STARD8: variants seen among roughly 807,000 people sequenced by gnomAD.
STARD8 encodes StAR related lipid transfer domain containing 8, also known as stAR-related lipid transfer protein 8.
A neutral mutation model predicts 69.4 loss-of-function variants in STARD8; 25 were observed. The observed-to-expected ratio is 0.36, with a 90% CI of 0.26 to 0.50. STARD8 has a LOEUF of 0.50. Among genes scored for constraint, STARD8 ranks in the 20% least tolerant of loss-of-function variants. The probability of loss-of-function intolerance (pLI) is 0.96; values close to 1 mark genes in which losing one functional copy is unlikely to be tolerated. For synonymous variants in STARD8, 389 were observed against 374.6 expected, an observed-to-expected ratio of 1.04 and a Z score of -0.45; for missense variants, 921 against 932.5, an observed-to-expected ratio of 0.99 and a Z score of 0.16.
chrX:68,717,767 T>C lies in STARD8; in HGVS notation c.853T>C (p.Ser285Pro). The C allele has an allele frequency of 8.3e-7, 1 of 1,211,957 alleles. No individual in the cohort carries two copies. ...GGCCTGGGAGGCCTGGCCTGTGGCC[T>C]CGTTCCGGCATCCTCAGTGGACACA... Reference protein sequence around the residue: ...RKAWEAWPVASFRHPQWTHRG... With the variant: ...RKAWEAWPVAPFRHPQWTHRG... The change falls in exon 6 of 15, where the codon TCG (serine) becomes CCG (proline). Residue 285 changes from serine to proline, a missense_variant. Physicochemically the swap from Ser to Pro is moderately conservative, Grantham distance 74. Transcript: ENST00000374599.
At chrX:68,705,255 T>C (rs1373042907) in intron 2 of STARD8, among the ~76,000 whole-genome samples, 1 of 111,972 alleles carries the variant, frequency 8.9e-6, no homozygotes, top group East Asian at 2.8e-4. Context: ...ATGTTAGCTG[T>C]CTACTTTGGT....
chrX:68,693,622 A>G (rs2079894021), intron 2 of STARD8: 4 of 754,244 alleles, frequency 5.3e-6, no homozygotes, highest in Non-Finnish European at 6.3e-6. Context: ...CTACTCGCCG[A>G]CGCTCCCTCC....
In STARD8 at chrX:68,721,532, A is replaced by C; in HGVS notation, c.2249-4A>C. ...AAGGCTCTTCTTCCATTGCTTCCTC[A>C]CAGTCCTCCCCAAGGATCAGTGGTT... On this transcript the variant is annotated splice_polypyrimidine_tract_variant and splice_region_variant and intron_variant, in intron 9 of 14. Coordinates refer to ENST00000374599, the MANE Select transcript of STARD8 (RefSeq NM_001142503.3). 2.5e-6 allele frequency: 3 copies of C among 1,210,144 alleles called. No homozygotes were observed. The highest frequency in any genetic ancestry group is 3.4e-6 in the Non-Finnish European group (3 of 894,698).
At chrX:68,713,809 C>A (rs181901249) in intron 3 of STARD8, among the ~76,000 whole-genome samples, 107 of 111,847 alleles carry the variant, frequency 9.6e-4, no homozygotes, top group Non-Finnish European at 1.5e-3. Context: ...CAGACCTCAT[C>A]CCCAAGCTCC....
At chrX:68,693,840 C>G (rs1404908584) in intron 2 of STARD8, 1 of 753,108 alleles carries the variant, frequency 1.3e-6, no homozygotes, top group African/African-American at 2.3e-5. Flanking sequence ...GGAGTCTGGG[C>G]GACGGCAGGG....
chrX:68,706,435 C>G (rs2080007662), intron 2 of STARD8, among the ~76,000 whole-genome samples: 1 of 111,726 alleles, frequency 9.0e-6, no homozygotes, highest in African/African-American at 3.3e-5. Flanking sequence ...CTGCAGACCC[C>G]CTTGCATGTC....
intron 2 of STARD8, among the ~76,000 whole-genome samples, chrX:68,699,138 C>G (rs147750384): frequency 1.6e-4 from 18 of 111,915 alleles, no homozygotes; most frequent in Middle Eastern, 4.6e-3. Flanking sequence ...ACTGCTCCCC[C>G]TGGGTCGTAC....
At chrX:68,653,081 CACA>C (rs2079571582) in intron 1 of STARD8, among the ~76,000 whole-genome samples, 1 of 9,774 alleles carries the variant, frequency 1.0e-4, no homozygotes, top group Non-Finnish European at 2.0e-4. Context: ...ACACACACAC[CACA>C]CCACACACCA....
chrX:68,721,069 C>T lies in STARD8; in HGVS notation c.2195C>T (p.Pro732Leu). The stretch of plus-strand genomic sequence containing the variant: ...CTAAAGCAGTATTTCCGGGACCTGC[C>T]TGAGCCCATCTTCACCAGCAAGCTC... ...DLLKQYFRDLPEPIFTSKLTT... is the reference protein window; with the variant it reads ...DLLKQYFRDLLEPIFTSKLTT... Residue 732 changes from proline to leucine, a missense_variant, in exon 9 of 15, where the codon CCT becomes CTT. Pro to Leu is a moderately conservative substitution (Grantham distance 98). Coordinates refer to ENST00000374599, the MANE Select transcript of STARD8 (RefSeq NM_001142503.3). 1 of 1,211,989 alleles carries T rather than the reference C, an allele frequency of 8.3e-7. No homozygotes were observed. Among genetic ancestry groups the T allele is most frequent in the South Asian group, 1.8e-5 (1 of 57,011 alleles).
chrX:68,722,285 A>T (rs2080156843), intron 11 of STARD8, 124 bp downstream of exon 11: 1 of 823,518 alleles, frequency 1.2e-6, no homozygotes, highest in Non-Finnish European at 1.7e-6. Flanking sequence ...TATACCCCCA[A>T]CTCTTCCCCC....
At position 68,718,941 on chromosome X, in the gene STARD8, C is replaced by T. The variant is rs142234457; in HGVS notation, c.1716-284C>T. Among the ~76,000 whole-genome samples, 809 of 110,594 alleles carry T rather than the reference C, an allele frequency of 7.3e-3. 5 individuals carry two copies. Among genetic ancestry groups the T allele is most frequent in the African/African-American group, 0.025 (750 of 30,340 alleles). The stretch of plus-strand genomic sequence containing the variant: ...TTTGCCCATTCAGGGTTTCTTGGAG[C>T]AGCCCCTCCACAGTAGTCTTGGGAT... On this transcript the variant is annotated intron_variant, in intron 6 of 14. Coordinates refer to ENST00000374599, the MANE Select transcript of STARD8 (RefSeq NM_001142503.3).
At chrX:68,711,288 CAGAG>C (rs1056953851) in intron 2 of STARD8, among the ~76,000 whole-genome samples, 1 of 107,963 alleles carries the variant, frequency 9.3e-6, no homozygotes, top group African/African-American at 3.6e-5. Context: ...GACAGAGAGA[CAGAG>C]AGAGAAAGAG....
At chrX:68,703,568 C>T (rs1425392181) in intron 2 of STARD8, among the ~76,000 whole-genome samples, 3 of 112,489 alleles carry the variant, frequency 2.7e-5, no homozygotes, top group Non-Finnish European at 5.6e-5. Context: ...GGCCACTTCT[C>T]TCAGGCCCAT....
chrX:68,673,883 C>T (rs1202638672), intron 2 of STARD8, among the ~76,000 whole-genome samples: 1 of 112,353 alleles, frequency 8.9e-6, no homozygotes, highest in Non-Finnish European at 1.9e-5. Flanking sequence ...GAACCTCTTC[C>T]TAGAAGATGC....
intron 2 of STARD8, among the ~76,000 whole-genome samples, chrX:68,692,254 C>T (rs778935731): frequency 3.0e-4 from 34 of 111,985 alleles, no homozygotes; most frequent in Admixed American, 2.2e-3. Context: ...GAACAAATTG[C>T]TAGAGGATAC....
At position 68,704,909 on chromosome X, in the gene STARD8, C is replaced by T. The variant is rs73529873; in HGVS notation, c.80-8005C>T. ...CTTGCCTGAGGTTATGCAAGTTGCT[C>T]ATGGAGCTAAGGCCAGAAGGTAGTT... On this transcript the variant is annotated intron_variant, in intron 2 of 14. Coordinates refer to ENST00000374599, the MANE Select transcript of STARD8 (RefSeq NM_001142503.3). 4.8e-3 allele frequency among the ~76,000 whole-genome samples: 540 copies of T among 111,896 alleles called. 6 individuals are homozygous for T. The highest frequency in any genetic ancestry group is 0.017 in the African/African-American group (527 of 30,772).
intron 1 of STARD8, among the ~76,000 whole-genome samples, chrX:68,653,333 CCACACACCA>C (rs2079583328): frequency 5.9e-5 from 2 of 33,961 alleles, no homozygotes; most frequent in Non-Finnish European, 5.5e-5. Context: ...CACACACACC[CCACACACCA>C]CACACACCCC....
chrX:68,687,901 C>G (rs2079845170), intron 2 of STARD8, among the ~76,000 whole-genome samples: 1 of 112,491 alleles, frequency 8.9e-6, no homozygotes, highest in Non-Finnish European at 1.9e-5. Flanking sequence ...CTGTCAGGGG[C>G]TGCCATTGCC....
At chrX:68,675,608 T>A (rs1408807326) in intron 2 of STARD8, among the ~76,000 whole-genome samples, 1 of 109,788 alleles carries the variant, frequency 9.1e-6, no homozygotes, top group East Asian at 2.9e-4. Context: ...AGAAGTCTGA[T>A]TTGAGAATAA....
Sources: allele counts gnomAD v4.1 joint callset (sites outside exome capture counted in the v4.1 genomes callset), GRCh38; gene constraint gnomAD v4.1.1; transcripts MANE v1.5; gene names NCBI Gene and HGNC (gene_info 2026-07-23, HGNC 2026-07-21).